The following SEMA3A variants were observed in gnomAD, a reference collection of about 807,000 sequenced individuals.
SEMA3A encodes the protein semaphorin 3A, also known as semaphorin-3A.
A neutral mutation model predicts 97.9 loss-of-function variants in SEMA3A; 29 were observed. That is an observed-to-expected ratio of 0.30 (90% CI 0.22 to 0.40). The LOEUF (loss-of-function observed/expected upper bound fraction) is 0.40. Among genes scored for constraint, SEMA3A ranks in the 10% least tolerant of loss-of-function variants. SEMA3A has a pLI of 1.00. For synonymous variants in SEMA3A, 321 were observed against 323.7 expected (o/e 0.99, Z 0.09); for missense variants, 763 against 951.3 (o/e 0.80, Z 2.60).
At chr7:84,204,225 C>A (rs896153200) in intron 3 of SEMA3A, among the ~76,000 whole-genome samples, 2 of 152,084 alleles carry the variant, frequency 1.3e-5, no homozygotes, top group African/African-American at 2.4e-5. Flanking sequence ...TAAAGCACCA[C>A]AATTGTGAAA....
At position 84,484,426 on chromosome 7, in the gene SEMA3A, T is replaced by C. The variant is rs547600511; in HGVS notation, c.-246+8034A>G. Among the ~76,000 whole-genome samples, 4 of 152,166 alleles carry C rather than the reference T, an allele frequency of 2.6e-5. No individual in the cohort carries two copies. The East Asian group carries it at 7.7e-4, about 29-fold the overall frequency. On this transcript the variant is annotated intron_variant, in intron 1 of 3. Transcript: ENST00000424555. Reference sequence around the variant, plus strand: ...TTTTTAAATTATAGAGTATAGCTATTTAAACAAAATAAAAATTCTTCTTTT... The same window carrying C: ...TTTTTAAATTATAGAGTATAGCTATCTAAACAAAATAAAAATTCTTCTTTT...
chr7:84,276,980 G>A (rs766961784), intron 3 of SEMA3A, among the ~76,000 whole-genome samples: 5 of 151,854 alleles, frequency 3.3e-5, no homozygotes, highest in Non-Finnish European at 7.4e-5. Context: ...TAAAGCATTA[G>A]GCCACTTATG....
At chr7:84,119,038 C>T (rs527261499) in intron 3 of SEMA3A, among the ~76,000 whole-genome samples, 3 of 152,152 alleles carry the variant, frequency 2.0e-5, no homozygotes, top group East Asian at 3.9e-4. Flanking sequence ...GTTGTAAGAA[C>T]TAATGACTAA....
chr7:84,191,870 C>A (rs1019896289), intron 1 of SEMA3A, among the ~76,000 whole-genome samples: 4 of 151,856 alleles, frequency 2.6e-5, no homozygotes, highest in Non-Finnish European at 5.9e-5. Context: ...CTGAACACAT[C>A]TATTCAATTC....
intron 2 of SEMA3A, among the ~76,000 whole-genome samples, chr7:84,325,328 A>G (rs1801749794): frequency 1.3e-5 from 2 of 152,106 alleles, no homozygotes; most frequent in Non-Finnish European, 2.9e-5. Context: ...GATTTTAAAA[A>G]ATACTACCGA....
chr7:84,444,802 C>T (rs1237850083), intron 1 of SEMA3A, among the ~76,000 whole-genome samples: 6 of 151,912 alleles, frequency 3.9e-5, no homozygotes, highest in South Asian at 2.1e-4. Flanking sequence ...CCTCGTGATC[C>T]GCCTGCCACA....
chr7:84,001,487 C>A (rs1446772533), intron 12 of SEMA3A, among the ~76,000 whole-genome samples: 1 of 151,842 alleles, frequency 6.6e-6, no homozygotes, highest in Admixed American at 6.6e-5. Context: ...TTTTTGCTAA[C>A]AAATGATTTC....
chr7:84,358,455 G>A (rs990080934), intron 2 of SEMA3A, among the ~76,000 whole-genome samples: 2 of 152,124 alleles, frequency 1.3e-5, no homozygotes, highest in African/African-American at 4.8e-5. Flanking sequence ...GTCAATGTGT[G>A]GTATTATTCC....
At chr7:84,304,963 T>A (rs1459529038) in intron 3 of SEMA3A, among the ~76,000 whole-genome samples, 1 of 151,982 alleles carries the variant, frequency 6.6e-6, no homozygotes, top group Non-Finnish European at 1.5e-5. Flanking sequence ...TAGTAAGGCA[T>A]TTGTATATAT....
chr7:84,110,382 A>G, intron 4 of SEMA3A, 88 bp downstream of exon 4: 1 of 1,482,082 alleles, frequency 6.7e-7, no homozygotes, highest in Non-Finnish European at 9.3e-7. Context: ...GTGAACCACA[A>G]GCAAAATAAA....
At chr7:84,469,966 T>C (rs1806106160) in intron 1 of SEMA3A, among the ~76,000 whole-genome samples, 1 of 151,712 alleles carries the variant, frequency 6.6e-6, no homozygotes, top group Admixed American at 6.6e-5. Flanking sequence ...TTATGTGTTA[T>C]TAGATTTTTT....
intron 1 of SEMA3A, among the ~76,000 whole-genome samples, chr7:84,492,064 G>C (rs1027482592): frequency 2.0e-5 from 3 of 152,060 alleles, no homozygotes; most frequent in African/African-American, 7.2e-5. Flanking sequence ...GCATAAAAGT[G>C]AAATCCATTT....
At chr7:84,449,866 A>G (rs1034936754) in intron 1 of SEMA3A, among the ~76,000 whole-genome samples, 2 of 152,178 alleles carry the variant, frequency 1.3e-5, no homozygotes, top group Non-Finnish European at 2.9e-5. Flanking sequence ...TATTTCACTT[A>G]GCATAATATC....
chr7:84,143,478 G>T (rs1796359583), intron 1 of SEMA3A, among the ~76,000 whole-genome samples: 1 of 152,036 alleles, frequency 6.6e-6, no homozygotes, highest in South Asian at 2.1e-4. Flanking sequence ...AAATCATAGA[G>T]ATTGCATCCA....
At chr7:84,009,831 C>A (rs2372017) in intron 9 of SEMA3A, among the ~76,000 whole-genome samples, 150,477 of 150,480 alleles carry the variant, frequency 1, 75,237 homozygotes, top group Middle Eastern at 1. Context: ...GGAAGGAGCC[C>A]GTGGAGAAAG....
intron 6 of SEMA3A, among the ~76,000 whole-genome samples, chr7:84,033,984 TA>T (rs1219866699): frequency 3.9e-5 from 5 of 127,230 alleles, no homozygotes; most frequent in Non-Finnish European, 7.5e-5. Context: ...TTTTTGTTTT[TA>T]ATTTTTTTTT....
At chr7:84,153,968 T>C (rs1161843387) in intron 1 of SEMA3A, among the ~76,000 whole-genome samples, 1 of 152,118 alleles carries the variant, frequency 6.6e-6, no homozygotes, top group Non-Finnish European at 1.5e-5. Context: ...TTCCTTTTGA[T>C]GTTCAATGGA....
chr7:84,316,215 G>T (rs1584233395), intron 2 of SEMA3A, among the ~76,000 whole-genome samples: 1 of 135,990 alleles, frequency 7.4e-6, no homozygotes, highest in East Asian at 2.3e-4. Context: ...ATTTTAATTT[G>T]AGAGAAGTTA....
intron 6 of SEMA3A, among the ~76,000 whole-genome samples, chr7:84,027,126 C>G (rs779193401): frequency 1.9e-4 from 29 of 152,130 alleles, no homozygotes; most frequent in Middle Eastern, 3.4e-3. Flanking sequence ...TCTAAATATA[C>G]ACAATTTTTT....
Sources: gnomAD v4.1 joint callset for allele counts (sites outside exome capture counted in the v4.1 genomes callset) on GRCh38, gnomAD v4.1.1 for gene constraint, MANE v1.5 for transcripts, NCBI Gene and HGNC (gene_info 2026-07-23, HGNC 2026-07-21) for gene names.